VSTM2A: variants seen among roughly 807,000 people sequenced by gnomAD.
The protein encoded by VSTM2A is V-set and transmembrane domain containing 2A, also known as V-set and transmembrane domain-containing protein 2A.
In VSTM2A, 13 loss-of-function variants were observed where a neutral mutation model predicts 27.3. That is an observed-to-expected ratio of 0.48 (90% CI 0.31 to 0.76). The LOEUF is 0.76. VSTM2A is among the 30% of genes least tolerant of loss of function. VSTM2A has a pLI of 0.05. For missense variants in VSTM2A, 280 were observed against 310.0 expected, an observed-to-expected ratio of 0.90 and a Z score of 0.73; for synonymous variants, 142 against 125.7, an observed-to-expected ratio of 1.13 and a Z score of -0.87.
Position 54,543,248 on chromosome 7 carries a change from T to C in VSTM2A, c.79+439T>C, listed in dbSNP as rs73701920. 4.0e-3 allele frequency among the ~76,000 whole-genome samples: 605 copies of C among 152,274 alleles called. 4 individuals carry two copies. The highest frequency in any genetic ancestry group is 0.014 in the African/African-American group (572 of 41,548). On this transcript the variant is annotated intron_variant, in intron 1 of 4. Transcript: ENST00000402613. ...CTTTTGTAGGTCCGTGTGACTCCTT[T>C]TGTATGTGTGTTTATCAAAGGACAG...
At chr7:54,549,487 T>C (rs1157521253) in intron 3 of VSTM2A, among the ~76,000 whole-genome samples, 9 of 152,154 alleles carry the variant, frequency 5.9e-5, no homozygotes, top group African/African-American at 1.7e-4. Flanking sequence ...GTTGGCCTTA[T>C]TGGTTTGTGC....
At chr7:54,554,321 A>G (rs890843446) in intron 4 of VSTM2A, among the ~76,000 whole-genome samples, 1 of 151,962 alleles carries the variant, frequency 6.6e-6, no homozygotes, top group South Asian at 2.1e-4. Context: ...TCTTAAATAT[A>G]GTTCTTTTCC....
At chr7:54,553,448 A>G (rs1788251644) in intron 4 of VSTM2A, among the ~76,000 whole-genome samples, 1 of 151,992 alleles carries the variant, frequency 6.6e-6, no homozygotes, top group Non-Finnish European at 1.5e-5. Flanking sequence ...TATCAAACCC[A>G]CTCTCCTCTG....
intron 3 of VSTM2A, among the ~76,000 whole-genome samples, chr7:54,547,864 A>G (rs1006694375): frequency 6.6e-6 from 1 of 152,198 alleles, no homozygotes; most frequent in Non-Finnish European, 1.5e-5. Flanking sequence ...TTGGAGTTAC[A>G]TCATAACTAA....
chr7:54,545,848 G>A (rs1787939011), intron 2 of VSTM2A, among the ~76,000 whole-genome samples: 2 of 130,746 alleles, frequency 1.5e-5, no homozygotes, highest in Non-Finnish European at 3.3e-5. Flanking sequence ...GGGGAAGGAA[G>A]AGAGGGAGAA....
At chr7:54,552,837 A>G (rs961290635) in intron 4 of VSTM2A, among the ~76,000 whole-genome samples, 12 of 152,212 alleles carry the variant, frequency 7.9e-5, no homozygotes, top group Non-Finnish European at 1.5e-4. Flanking sequence ...CATCTATGGT[A>G]TATGGGACAC....
At chr7:54,544,246 C>T (rs1258307560) in intron 1 of VSTM2A, among the ~76,000 whole-genome samples, 1 of 152,200 alleles carries the variant, frequency 6.6e-6, no homozygotes, top group Non-Finnish European at 1.5e-5. Flanking sequence ...AGGCAAGAGA[C>T]TCTCCTCATT....
chr7:54,569,138 CA>C lies in VSTM2A; in HGVS notation c.645del (p.Lys215AsnfsTer4). 6.4e-7 allele frequency: 1 copy of C among 1,561,884 alleles called. No individual in the cohort carries two copies. Among genetic ancestry groups the C allele is most frequent in the Non-Finnish European group, 8.7e-7 (1 of 1,151,786 alleles). The part of the protein sequence containing the change: ...PKQSPQSAKS[K>X]SPVKSTERTA... ...CACTTTCTCTTCTTAAAGCAAAGAG[CA>C]AATCGCCTGTAAAATCTACGGAGCG... On this transcript the variant is annotated frameshift_variant, in exon 5 of 5. Coordinates refer to ENST00000402613, the MANE Select transcript of VSTM2A (RefSeq NM_001301009.2). LOFTEE classifies it high-confidence loss of function.
At chr7:54,554,360 A>C (rs1217439390) in intron 4 of VSTM2A, among the ~76,000 whole-genome samples, 1 of 152,010 alleles carries the variant, frequency 6.6e-6, no homozygotes, top group East Asian at 1.9e-4. Context: ...CTTCTCATCC[A>C]CTTCCATGGT....
At chr7:54,565,234 A>G (rs1303449597) in intron 4 of VSTM2A, among the ~76,000 whole-genome samples, 2 of 152,164 alleles carry the variant, frequency 1.3e-5, no homozygotes, top group Non-Finnish European at 2.9e-5. Flanking sequence ...CCCTGCTAGG[A>G]TGAGTTATTT....
intron 4 of VSTM2A, among the ~76,000 whole-genome samples, chr7:54,568,041 A>C (rs888635432): frequency 5.9e-5 from 9 of 152,236 alleles, no homozygotes; most frequent in African/African-American, 2.2e-4. Context: ...GTGAGGAGAT[A>C]CTGTATACTG....
chr7:54,565,474 A>G (rs1388441649), intron 4 of VSTM2A, among the ~76,000 whole-genome samples: 2 of 152,248 alleles, frequency 1.3e-5, no homozygotes, highest in African/African-American at 4.8e-5. Context: ...CAGGGAAAAA[A>G]TGGTAGCACA....
chr7:54,544,582 G>A (rs377147865), intron 1 of VSTM2A, 40 bp from the exon 2 acceptor site: 16 of 1,611,910 alleles, frequency 9.9e-6, no homozygotes, highest in Admixed American at 1.7e-5. Flanking sequence ...CAGGCAAGAG[G>A]GGTGTGGATA....
chr7:54,555,808 A>G (rs1364794358), intron 4 of VSTM2A, among the ~76,000 whole-genome samples: 1 of 152,188 alleles, frequency 6.6e-6, no homozygotes. Flanking sequence ...TCATAATTAG[A>G]TAATTTTACC....
Position 54,563,410 on chromosome 7 carries a change from T to C in VSTM2A, c.635-5721T>C, listed in dbSNP as rs1055015140. 2.6e-5 allele frequency among the ~76,000 whole-genome samples: 4 copies of C among 152,188 alleles called. No individual in the cohort carries two copies. In the South Asian group the frequency reaches 8.3e-4, roughly 31 times the overall value. Reference sequence around the variant, plus strand: ...GTAAAGAAATCGTAAGTGTTCAAAATTATTAGCAGCTTCTATCATAACCAT... The same window carrying C: ...GTAAAGAAATCGTAAGTGTTCAAAACTATTAGCAGCTTCTATCATAACCAT... On this transcript the variant is annotated intron_variant, in intron 4 of 4. Coordinates refer to ENST00000402613, the MANE Select transcript of VSTM2A (RefSeq NM_001301009.2).
Position 54,546,800 on chromosome 7 carries a change from T to A in VSTM2A, c.247-147T>A, listed in dbSNP as rs1170309686. 3 of 882,384 alleles carry A rather than the reference T, an allele frequency of 3.4e-6. No homozygotes were observed. In the African/African-American group the frequency reaches 5.7e-5, roughly 17 times the overall value. 54.7% of individuals were successfully genotyped at this position (882,384 alleles called of 1,614,324 possible). A position where few individuals can be genotyped will look rare whatever the true frequency, so the allele number is the denominator to read the frequency against. On this transcript the variant is annotated intron_variant, in intron 2 of 4. Transcript: ENST00000402613. ...GCGTGGGGGCGGTGCGGTCTGGGCC[T>A]GGACAGGGGTGGCCACGCCCCTGGT...
intron 4 of VSTM2A, chr7:54,559,820 C>T (rs531264105): frequency 6.6e-6 from 1 of 152,032 alleles, no homozygotes; most frequent in South Asian, 2.1e-4. Context: ...TGTTTGGAGA[C>T]ATTAGAAAGG....
At chr7:54,565,596 G>A (rs960521501) in intron 4 of VSTM2A, among the ~76,000 whole-genome samples, 11 of 152,242 alleles carry the variant, frequency 7.2e-5, no homozygotes, top group African/African-American at 2.4e-4. Context: ...AGGAGCTGGT[G>A]GCACTCAGGC....
Position 54,544,664 on chromosome 7 carries a change from G to A in VSTM2A, c.122G>A (p.Gly41Glu), listed in dbSNP as rs1308606310. The change falls in exon 2 of 5, where the codon GGG becomes GAG. Residue 41 changes from glycine to glutamate, a missense_variant. By Grantham distance (98) the Gly-to-Glu change is moderately conservative (BLOSUM62 -2). Coordinates refer to ENST00000402613, the MANE Select transcript of VSTM2A (RefSeq NM_001301009.2). Reference protein sequence around the residue: ...EFPRNVTATEGQNVEMSCAFQ... With the variant: ...EFPRNVTATEEQNVEMSCAFQ... ...CCGCGGAACGTGACGGCGACCGAGG[G>A]GCAGAATGTGGAGATGTCCTGCGCC... The A allele has an allele frequency of 2.5e-6, 4 of 1,612,874 alleles. No homozygotes were observed. The highest frequency in any genetic ancestry group is 2.7e-5 in the African/African-American group (2 of 74,932).
Sources: gnomAD v4.1 joint callset for allele counts (sites outside exome capture counted in the v4.1 genomes callset) on GRCh38, gnomAD v4.1.1 for gene constraint, MANE v1.5 for transcripts, NCBI Gene and HGNC (gene_info 2026-07-23, HGNC 2026-07-21) for gene names.